Variants in CHRNB3 observed in about 807,000 individuals in gnomAD.
CHRNB3 encodes the protein cholinergic receptor nicotinic beta 3 subunit, also known as neuronal acetylcholine receptor subunit beta-3.
Under a neutral mutation model 40.6 loss-of-function variants are expected in CHRNB3, and 37 were observed. That is an observed-to-expected ratio of 0.91 (90% CI 0.70 to 1.20). The LOEUF is 1.20. Among genes scored for constraint, CHRNB3 ranks in the 50% most tolerant of loss-of-function variants. CHRNB3 has a pLI of 0.00. For missense variants in CHRNB3, 505 were observed against 551.2 expected (o/e 0.92, Z 0.84); for synonymous variants, 207 against 207.1 (o/e 1.00, Z 0.00).
intron 1 of CHRNB3, among the ~76,000 whole-genome samples, chr8:42,703,458 A>ATATATATATATATATATATATATATATG (rs1563606411): frequency 2.4e-5 from 3 of 123,770 alleles, no homozygotes; most frequent in African/African-American, 7.9e-5. Flanking sequence ...ATATATATAT[A>ATATATATATATATATATATATATATATG]TATGTATCCA....
intron 1 of CHRNB3, 123 bp from the exon 2 acceptor site, chr8:42,708,594 T>C: frequency 9.3e-7 from 1 of 1,071,614 alleles, no homozygotes; most frequent in Non-Finnish European, 1.4e-6. Flanking sequence ...TTTCAGGAAC[T>C]GGGCTGTTTA....
rs771263139 is a variant in CHRNB3, at chr8:42,731,838, T to C, written c.531T>C (p.Asp177=). 6.2e-7 allele frequency: 1 copy of C among 1,613,994 alleles called. No homozygotes were observed. Among genetic ancestry groups the C allele is most frequent in the Non-Finnish European group, 8.5e-7 (1 of 1,180,036 alleles). ...CSMKFGSWTY[D]GTMVDLILIN... is the part of the protein sequence containing the mutation. ...TGAAGTTTGGATCCTGGACTTATGATGGCACCATGGTTGACCTCATTTTGA... is the reference window on the plus strand; with the variant it reads ...TGAAGTTTGGATCCTGGACTTATGACGGCACCATGGTTGACCTCATTTTGA... The change falls in exon 5 of 6, where the codon GAT becomes GAC. Residue 177 remains aspartate (D), a synonymous_variant. Coordinates refer to ENST00000289957, the MANE Select transcript of CHRNB3 (RefSeq NM_000749.5).
At chr8:42,714,949 T>C (rs1013808752) in intron 3 of CHRNB3, 1 of 152,182 alleles carries the variant, frequency 6.6e-6, no homozygotes, top group Non-Finnish European at 1.5e-5. Flanking sequence ...ACCCTGGTCT[T>C]CTAAGGCTTT....
chr8:42,698,804 A>AT (rs1204339692), intron 1 of CHRNB3, among the ~76,000 whole-genome samples: 2 of 152,174 alleles, frequency 1.3e-5, no homozygotes, highest in African/African-American at 4.8e-5. Context: ...AAGACAATTG[A>AT]TTCTTACCAC....
intron 3 of CHRNB3, among the ~76,000 whole-genome samples, chr8:42,728,289 G>T (rs1173544538): frequency 1.3e-5 from 2 of 152,122 alleles, no homozygotes; most frequent in African/African-American, 4.8e-5. Flanking sequence ...ACTTTGGGAG[G>T]TGAGGCAGGA....
At chr8:42,715,209 T>C (rs149389193) in intron 3 of CHRNB3, among the ~76,000 whole-genome samples, 24 of 152,216 alleles carry the variant, frequency 1.6e-4, no homozygotes, top group African/African-American at 5.8e-4. Context: ...TATAAACCAC[T>C]GTGGAGCTTA....
chr8:42,708,925 A>T (rs972817785), intron 2 of CHRNB3, 57 bp downstream of exon 2: 6 of 1,436,686 alleles, frequency 4.2e-6, no homozygotes, highest in Middle Eastern at 1.8e-4. Flanking sequence ...CCTGTTTATG[A>T]GTCTAAAATA....
intron 3 of CHRNB3, among the ~76,000 whole-genome samples, chr8:42,720,449 A>G (rs1816203183): frequency 6.6e-6 from 1 of 151,904 alleles, no homozygotes; most frequent in African/African-American, 2.4e-5. Flanking sequence ...TTTAGTCTAA[A>G]TGTCGTCTCC....
At chr8:42,721,780 C>T (rs1816222100) in intron 3 of CHRNB3, 1 of 152,134 alleles carries the variant, frequency 6.6e-6, no homozygotes, top group Non-Finnish European at 1.5e-5. Context: ...TGTGCAAGTT[C>T]ATCAGGGTAA....
At chr8:42,720,775 C>T (rs62518202) in intron 3 of CHRNB3, among the ~76,000 whole-genome samples, 8,711 of 152,284 alleles carry the variant, frequency 0.057, 325 homozygotes, top group Middle Eastern at 0.11. Context: ...ATACCTCCCC[C>T]TGAGGCTTGC....
At chr8:42,710,529 T>C (rs950155076) in intron 3 of CHRNB3, 95 bp downstream of exon 3, 1 of 972,946 alleles carries the variant, frequency 1.0e-6, no homozygotes, top group South Asian at 1.5e-5. Flanking sequence ...TAAGAGGGCA[T>C]ATTGTGTTCC....
rs1413710745 is a variant in CHRNB3, at chr8:42,736,962, G to A, written c.*344G>A. On this transcript the variant is annotated 3_prime_UTR_variant, in exon 6 of 6. Transcript: ENST00000289957. ...ACACCTCCTAGAAGCAGCAGGCCTCGGTGGTGGGGGAGGGGGGATTCACCT... is the reference window on the plus strand; with the variant it reads ...ACACCTCCTAGAAGCAGCAGGCCTCAGTGGTGGGGGAGGGGGGATTCACCT... 9.5e-6 allele frequency: 2 copies of A among 209,770 alleles called. No homozygotes were observed. The highest frequency in any genetic ancestry group is 1.2e-4 in the East Asian group (1 of 8,650). 13.0% of individuals were successfully genotyped at this position (209,770 alleles called of 1,614,324 possible).
intron 3 of CHRNB3, among the ~76,000 whole-genome samples, chr8:42,711,139 A>T (rs956365859): frequency 2.0e-5 from 3 of 152,050 alleles, no homozygotes; most frequent in Non-Finnish European, 4.4e-5. Flanking sequence ...CGCATATGTT[A>T]TCTACAAAGA....
At chr8:42,706,227 G>A (rs2128904873) in intron 1 of CHRNB3, among the ~76,000 whole-genome samples, 1 of 152,268 alleles carries the variant, frequency 6.6e-6, no homozygotes, top group Non-Finnish European at 1.5e-5. Flanking sequence ...GCTTGTTCTG[G>A]GAATCGCAGA....
intron 2 of CHRNB3, among the ~76,000 whole-genome samples, chr8:42,709,691 G>C (rs138935111): frequency 0.011 from 1,688 of 152,208 alleles, 34 homozygotes; most frequent in African/African-American, 0.039. Context: ...AATGCAGAAG[G>C]GTGATCTTGG....
At chr8:42,718,357 C>T (rs1271145088) in intron 3 of CHRNB3, among the ~76,000 whole-genome samples, 1 of 151,996 alleles carries the variant, frequency 6.6e-6, no homozygotes, top group Non-Finnish European at 1.5e-5. Context: ...TCTTTTGGTC[C>T]TATTAGCATT....
chr8:42,697,490 G>A lies in CHRNB3; in HGVS notation c.-57G>A, dbSNP rs4950. The A allele has an allele frequency of 0.74, 1,103,294 of 1,486,606 alleles. 419,730 individuals are homozygous for A. Among genetic ancestry groups the A allele is most frequent in the East Asian group, 0.83 (36,720 of 43,978 alleles). 92.1% of individuals were successfully genotyped at this position (1,486,606 alleles called of 1,614,324 possible). A position where few individuals can be genotyped will look rare whatever the true frequency, so the allele number is the denominator to read the frequency against. ...TTTCTTTTCAAAACCCCCTTTTCCA[G>A]TGGAAATGCTCTGTTGTTAAAAAGG... On this transcript the variant is annotated 5_prime_UTR_variant, in exon 1 of 6. It adds an upstream start codon to the 5' untranslated region. Transcript: ENST00000289957.
In CHRNB3 at chr8:42,730,750, T is replaced by C. The variant is rs746456499; in HGVS notation, c.359+47T>C. ...ACTTATGGGGAAAAAAATAAATTTT[T>C]TAAAAAGTGAAAAAAAGGCTGGGCG... On this transcript the variant is annotated intron_variant, in intron 4 of 5. Coordinates refer to ENST00000289957, the MANE Select transcript of CHRNB3 (RefSeq NM_000749.5). The C allele has an allele frequency of 3.7e-6, 5 of 1,345,324 alleles. No homozygotes were observed. In the East Asian group the frequency reaches 9.4e-5, roughly 25 times the overall value. 83.3% of individuals were successfully genotyped at this position (1,345,324 alleles called of 1,614,324 possible).
chr8:42,732,668 CT>C, intron 5 of CHRNB3, 119 bp downstream of exon 5: 1 of 924,600 alleles, frequency 1.1e-6, no homozygotes, highest in Non-Finnish European at 1.5e-6. Flanking sequence ...ATAAGACATG[CT>C]TTTTATACAT....
Sources: allele counts gnomAD v4.1 joint callset (sites outside exome capture counted in the v4.1 genomes callset), GRCh38; gene constraint gnomAD v4.1.1; transcripts MANE v1.5; gene names NCBI Gene and HGNC (gene_info 2026-07-23, HGNC 2026-07-21).